The following IL1RAPL2 variants were observed in gnomAD, a reference collection of about 807,000 sequenced individuals.
The protein encoded by IL1RAPL2 is X-linked interleukin-1 receptor accessory protein-like 2.
IL1RAPL2 carries 3 observed loss-of-function variants against 44.1 expected under a neutral mutation model. The ratio of observed to expected loss-of-function variants is 0.07; its 90% CI spans 0.03 to 0.18. The LOEUF is 0.18. Among genes scored for constraint, IL1RAPL2 ranks in the 10% least tolerant of loss-of-function variants. IL1RAPL2 has a pLI of 1.00. For missense variants in IL1RAPL2, 391 were observed against 496.4 expected (o/e 0.79, Z 2.02); for synonymous variants, 181 against 178.8 (o/e 1.01, Z -0.10).
chrX:105,448,763 T>C (rs2035996046), intron 5 of IL1RAPL2, among the ~76,000 whole-genome samples: 1 of 111,008 alleles, frequency 9.0e-6, no homozygotes, highest in Non-Finnish European at 1.9e-5. Flanking sequence ...TCGGATTGTG[T>C]ATTTTCAAAT....
At position 104,766,864 on chromosome X, in the gene IL1RAPL2, C is replaced by A. The variant is rs144323152; in HGVS notation, c.82+107869C>A. 2.7e-5 allele frequency among the ~76,000 whole-genome samples: 3 copies of A among 112,182 alleles called. No individual in the cohort carries two copies. The East Asian group carries it at 8.5e-4, about 32-fold the overall frequency. Reference sequence around the variant, plus strand: ...ATTTTTGCTTTGTTTTTTAGTAGTGCACTGAACAATCAACAGTCTCTCAGA... The same window carrying A: ...ATTTTTGCTTTGTTTTTTAGTAGTGAACTGAACAATCAACAGTCTCTCAGA... On this transcript the variant is annotated intron_variant, in intron 2 of 10. Transcript: ENST00000372582.
At chrX:105,049,717 A>G (rs2031892209) in intron 2 of IL1RAPL2, among the ~76,000 whole-genome samples, 1 of 111,939 alleles carries the variant, frequency 8.9e-6, no homozygotes, top group African/African-American at 3.3e-5. Context: ...AAATAAATCA[A>G]CATTAATATG....
At chrX:104,831,395 A>G (rs1921602179) in intron 2 of IL1RAPL2, among the ~76,000 whole-genome samples, 1 of 111,885 alleles carries the variant, frequency 8.9e-6, no homozygotes, top group Non-Finnish European at 1.9e-5. Flanking sequence ...ATATTAAATA[A>G]TTTAATCCTT....
intron 6 of IL1RAPL2, among the ~76,000 whole-genome samples, chrX:105,683,014 T>G (rs1351750600): frequency 1.8e-5 from 2 of 112,101 alleles, no homozygotes; most frequent in African/African-American, 6.5e-5. Context: ...AAAGAAAACT[T>G]AGAAGATAAC....
chrX:104,725,308 A>C (rs1931766446), intron 2 of IL1RAPL2, among the ~76,000 whole-genome samples: 1 of 111,616 alleles, frequency 9.0e-6, no homozygotes. Context: ...GTAGGTTTCA[A>C]GTTTTTGCTA....
rs745731888 is a variant in IL1RAPL2, at chrX:105,416,808, G to A, written c.698-67505G>A. On this transcript the variant is annotated intron_variant, in intron 5 of 10. Transcript: ENST00000372582. ...TCATTGTCTTAAGAAAGAGACTTGC[G>A]GGGTTAACAGCAGCATCTCTGGCTG... is the stretch of plus-strand genomic sequence containing the variant. 3.6e-5 allele frequency among the ~76,000 whole-genome samples: 4 copies of A among 111,617 alleles called. No individual in the cohort carries two copies. In the East Asian group the frequency reaches 8.5e-4, roughly 24 times the overall value.
intron 10 of IL1RAPL2, among the ~76,000 whole-genome samples, chrX:105,763,960 T>C (rs890219807): frequency 2.7e-5 from 3 of 111,662 alleles, no homozygotes; most frequent in Non-Finnish European, 3.8e-5. Context: ...AATTTTGATA[T>C]ACTGACTGAC....
At chrX:105,386,581 T>C (rs1473795625) in intron 5 of IL1RAPL2, among the ~76,000 whole-genome samples, 2 of 111,897 alleles carry the variant, frequency 1.8e-5, no homozygotes, top group Non-Finnish European at 3.8e-5. Flanking sequence ...CATCATGAGG[T>C]GATCACCTAG....
At chrX:105,033,294 A>G (rs1274626287) in intron 2 of IL1RAPL2, among the ~76,000 whole-genome samples, 1 of 111,160 alleles carries the variant, frequency 9.0e-6, no homozygotes, top group Non-Finnish European at 1.9e-5. Flanking sequence ...TTTGTTCGTT[A>G]GTTGATGCAG....
rs781823471 is a variant in IL1RAPL2, at chrX:105,184,595, TA to T, written c.83-10879del. 3.0e-3 allele frequency among the ~76,000 whole-genome samples: 329 copies of T among 110,090 alleles called. 2 individuals carry two copies. Among genetic ancestry groups the T allele is most frequent in the Non-Finnish European group, 5.4e-3 (287 of 52,855 alleles). On this transcript the variant is annotated intron_variant, in intron 2 of 10. Coordinates refer to ENST00000372582, the MANE Select transcript of IL1RAPL2 (RefSeq NM_017416.2). ...AATATTGGAATATAAGTTATTATAA[TA>T]TAGCATATACCAAGTATACATATGA...
At chrX:105,243,265 G>C (rs782714715) in intron 4 of IL1RAPL2, among the ~76,000 whole-genome samples, 19 of 110,259 alleles carry the variant, frequency 1.7e-4, no homozygotes, top group Non-Finnish European at 3.4e-4. Flanking sequence ...GTTCTCACAA[G>C]AGCTGATGGT....
chrX:104,731,171 C>G lies in IL1RAPL2; in HGVS notation c.82+72176C>G, dbSNP rs756934461. On this transcript the variant is annotated intron_variant, in intron 2 of 10. Transcript: ENST00000372582. ...AATTTTCTCCCATTTTGTAGGTTGT[C>G]TGTTCACTCTGATGGTAGTTTCTTT... is the stretch of plus-strand genomic sequence containing the variant. 4.7e-3 allele frequency among the ~76,000 whole-genome samples: 521 copies of G among 109,972 alleles called. 1 individual carries two copies. The highest frequency in any genetic ancestry group is 8.4e-3 in the Non-Finnish European group (442 of 52,753).
At chrX:104,862,688 C>T (rs890821043) in intron 2 of IL1RAPL2, among the ~76,000 whole-genome samples, 1 of 111,393 alleles carries the variant, frequency 9.0e-6, no homozygotes, top group African/African-American at 3.3e-5. Context: ...CAAATTAGTA[C>T]GATTACTAAT....
chrX:105,026,906 T>C (rs2031382985), intron 2 of IL1RAPL2, among the ~76,000 whole-genome samples: 1 of 110,622 alleles, frequency 9.0e-6, no homozygotes, highest in East Asian at 2.8e-4. Flanking sequence ...AAGAATCACA[T>C]TATCTGACTT....
intron 5 of IL1RAPL2, among the ~76,000 whole-genome samples, chrX:105,375,953 A>T (rs1164032185): frequency 8.9e-6 from 1 of 111,961 alleles, no homozygotes; most frequent in Non-Finnish European, 1.9e-5. Flanking sequence ...GTAAGCACTT[A>T]ATAATTATTT....
intron 6 of IL1RAPL2, among the ~76,000 whole-genome samples, chrX:105,672,222 C>A (rs1489137460): frequency 9.0e-6 from 1 of 111,611 alleles, no homozygotes; most frequent in African/African-American, 3.3e-5. Context: ...TACTAGCTTC[C>A]AATGTAAACC....
chrX:104,865,189 A>G (rs190714240), intron 2 of IL1RAPL2, among the ~76,000 whole-genome samples: 97 of 111,771 alleles, frequency 8.7e-4, no homozygotes, highest in African/African-American at 3.0e-3. Flanking sequence ...GCATCCCTGG[A>G]GGGACTGCAG....
intron 2 of IL1RAPL2, among the ~76,000 whole-genome samples, chrX:104,810,857 G>T (rs1932971081): frequency 8.9e-6 from 1 of 112,412 alleles, no homozygotes; most frequent in South Asian, 3.6e-4. Context: ...TTTGTCTGAG[G>T]CTGCATAGCA....
At chrX:104,943,860 C>G (rs901297077) in intron 2 of IL1RAPL2, among the ~76,000 whole-genome samples, 2 of 112,206 alleles carry the variant, frequency 1.8e-5, no homozygotes, top group Admixed American at 1.9e-4. Flanking sequence ...AGTTTGTTCT[C>G]TTTATGTATT....
Sources: gnomAD v4.1 joint callset for allele counts (sites outside exome capture counted in the v4.1 genomes callset) on GRCh38, gnomAD v4.1.1 for gene constraint, MANE v1.5 for transcripts, NCBI Gene and HGNC (gene_info 2026-07-23, HGNC 2026-07-21) for gene names.